FAM110B: variants seen among roughly 807,000 people sequenced by gnomAD.
FAM110B encodes the protein family with sequence similarity 110 member B, also known as protein FAM110B.
FAM110B carries 6 observed loss-of-function variants against 20.4 expected under a neutral mutation model. The ratio of observed to expected loss-of-function variants is 0.29; its 90% CI spans 0.16 to 0.58. The LOEUF is 0.58. FAM110B is among the 20% of genes least tolerant of loss of function. FAM110B has a pLI of 0.90. For missense variants in FAM110B, 434 were observed against 498.2 expected (o/e 0.87, Z 1.23); for synonymous variants, 226 against 214.1 (o/e 1.06, Z -0.49).
intron 3 of FAM110B, among the ~76,000 whole-genome samples, chr8:58,092,627 T>G (rs1424124982): frequency 6.6e-6 from 1 of 152,274 alleles, no homozygotes; most frequent in African/African-American, 2.4e-5. Context: ...TGTCACATTT[T>G]CTTTATCCAG....
At chr8:58,029,905 T>A (rs543367162) in intron 1 of FAM110B, among the ~76,000 whole-genome samples, 1 of 152,356 alleles carries the variant, frequency 6.6e-6, no homozygotes, top group South Asian at 2.1e-4. Context: ...TTGAGTGACT[T>A]TTCTATCTGT....
intron 3 of FAM110B, among the ~76,000 whole-genome samples, chr8:58,123,646 T>C (rs1225150188): frequency 6.6e-6 from 1 of 152,174 alleles, no homozygotes; most frequent in East Asian, 1.9e-4. Context: ...TAGAACCCAT[T>C]ATGCAGAAAA....
chr8:58,040,385 A>G (rs1805187187), intron 2 of FAM110B, among the ~76,000 whole-genome samples: 1 of 152,218 alleles, frequency 6.6e-6, no homozygotes, highest in Admixed American at 6.5e-5. Flanking sequence ...CCCAGTGAGC[A>G]TGTGCCATAT....
intron 1 of FAM110B, among the ~76,000 whole-genome samples, chr8:58,011,915 C>T (rs1051786782): frequency 3.9e-5 from 6 of 152,320 alleles, no homozygotes; most frequent in South Asian, 2.1e-4. Context: ...TCGGAATCAC[C>T]TTCGTGACTG....
chr8:57,995,538 G>A (rs1199805374), intron 1 of FAM110B, among the ~76,000 whole-genome samples: 1 of 152,184 alleles, frequency 6.6e-6, no homozygotes, highest in Non-Finnish European at 1.5e-5. Context: ...CAGGCTGTGG[G>A]AAGCCGCGAT....
chr8:58,020,960 C>T (rs2150569442), intron 1 of FAM110B, among the ~76,000 whole-genome samples: 1 of 152,316 alleles, frequency 6.6e-6, no homozygotes, highest in Admixed American at 6.5e-5. Flanking sequence ...GAAAAGGCTA[C>T]TTTCTTCCTG....
intron 1 of FAM110B, among the ~76,000 whole-genome samples, chr8:58,020,872 C>T (rs751691393): frequency 2.0e-5 from 3 of 151,712 alleles, no homozygotes; most frequent in Admixed American, 6.6e-5. Context: ...CTGCGAGTCT[C>T]TCTCTGATGG....
intron 2 of FAM110B, among the ~76,000 whole-genome samples, chr8:58,037,857 C>T (rs1007691382): frequency 6.6e-6 from 1 of 152,056 alleles, no homozygotes; most frequent in Non-Finnish European, 1.5e-5. Context: ...TGTCTGGGGC[C>T]GTCATACCTG....
At chr8:58,082,697 G>T (rs58274822) in intron 3 of FAM110B, among the ~76,000 whole-genome samples, 9 of 152,218 alleles carry the variant, frequency 5.9e-5, no homozygotes, top group African/African-American at 2.2e-4. Context: ...TGTTTGTGGG[G>T]CTGGGCACAG....
chr8:58,040,232 C>T (rs34040020), intron 2 of FAM110B, among the ~76,000 whole-genome samples: 6,473 of 152,054 alleles, frequency 0.043, 225 homozygotes, highest in Non-Finnish European at 0.054. Flanking sequence ...TATTTGGGCA[C>T]AAATAATTCT....
chr8:58,036,692 T>C (rs1344269050), intron 2 of FAM110B, among the ~76,000 whole-genome samples: 16 of 152,208 alleles, frequency 1.1e-4, no homozygotes, highest in Admixed American at 1.0e-3. Context: ...TGCAAACACA[T>C]GTGTGCACAC....
intron 2 of FAM110B, among the ~76,000 whole-genome samples, chr8:58,037,161 C>T (rs1805091284): frequency 1.3e-5 from 2 of 151,972 alleles, no homozygotes; most frequent in South Asian, 4.1e-4. Flanking sequence ...ATAAGCTGAT[C>T]AACCTACAAA....
At chr8:58,046,031 C>G (rs554359950) in intron 2 of FAM110B, among the ~76,000 whole-genome samples, 1 of 152,158 alleles carries the variant, frequency 6.6e-6, no homozygotes, top group Non-Finnish European at 1.5e-5. Context: ...TGATCCCATT[C>G]ATGAGGTTGC....
intron 2 of FAM110B, among the ~76,000 whole-genome samples, chr8:58,056,576 A>G (rs1805551304): frequency 6.6e-6 from 1 of 152,212 alleles, no homozygotes; most frequent in African/African-American, 2.4e-5. Flanking sequence ...TCCCTTATAA[A>G]TTACCCAAGA....
intron 2 of FAM110B, among the ~76,000 whole-genome samples, chr8:58,064,785 G>A (rs1047111987): frequency 6.6e-6 from 1 of 152,182 alleles, no homozygotes; most frequent in Non-Finnish European, 1.5e-5. Flanking sequence ...GAAAAGTTAA[G>A]TAGTTTACAA....
intron 3 of FAM110B, chr8:58,113,270 A>G (rs955629523): frequency 5.6e-6 from 1 of 177,880 alleles, no homozygotes; most frequent in Non-Finnish European, 1.2e-5. Flanking sequence ...CTTTCTGTCC[A>G]AGGATCTTTC....
chr8:58,045,236 A>T (rs1805295896), intron 2 of FAM110B, among the ~76,000 whole-genome samples: 1 of 152,190 alleles, frequency 6.6e-6, no homozygotes, highest in Admixed American at 6.5e-5. Context: ...GTGCATCAGC[A>T]GTCATCAGGG....
chr8:58,020,233 A>G (rs1804723466), intron 1 of FAM110B, among the ~76,000 whole-genome samples: 1 of 152,108 alleles, frequency 6.6e-6, no homozygotes, highest in Admixed American at 6.5e-5. Flanking sequence ...TATTTGACGT[A>G]GTTGTTCTAA....
chr8:58,138,285 C>G (rs1324979837), intron 3 of FAM110B, among the ~76,000 whole-genome samples: 1 of 152,220 alleles, frequency 6.6e-6, no homozygotes, highest in Non-Finnish European at 1.5e-5. Context: ...TTTGGGCAGA[C>G]ATTGTTTTCT....
Sources: allele counts gnomAD v4.1 joint callset (sites outside exome capture counted in the v4.1 genomes callset), GRCh38; gene constraint gnomAD v4.1.1; transcripts MANE v1.5; gene names NCBI Gene and HGNC (gene_info 2026-07-23, HGNC 2026-07-21).